ARL15: variants seen among roughly 807,000 people sequenced by gnomAD.
ARL15 encodes the protein ADP-ribosylation factor-like protein 15.
Under a neutral mutation model 25.2 loss-of-function variants are expected in ARL15, and 19 were observed. That is an observed-to-expected ratio of 0.75 (90% CI 0.53 to 1.10). ARL15 has a LOEUF of 1.10. Ranked by LOEUF, ARL15 falls within the 50% of genes least tolerant of loss-of-function variation. ARL15 has a pLI of 0.00. For missense variants in ARL15, 220 were observed against 246.0 expected (o/e 0.89, Z 0.71); for synonymous variants, 94 against 86.8 (o/e 1.08, Z -0.46).
intron 3 of ARL15, among the ~76,000 whole-genome samples, chr5:54,145,735 A>C (rs79437889): frequency 0.029 from 4,410 of 152,260 alleles, 213 homozygotes; most frequent in African/African-American, 0.1. Context: ...TGAATTAAAT[A>C]ACAATAACAA....
intron 1 of ARL15, among the ~76,000 whole-genome samples, chr5:54,182,859 C>T (rs1233265258): frequency 3.3e-5 from 5 of 151,420 alleles, no homozygotes; most frequent in African/African-American, 1.2e-4. Flanking sequence ...TGAAGAGGTC[C>T]TTCACGTCCC....
rs538060978 is a variant in ARL15, at chr5:54,252,034, T to A, written c.48+58398A>T. On this transcript the variant is annotated intron_variant, in intron 1 of 4. Transcript: ENST00000504924. Reference sequence around the variant, plus strand: ...AGACTAATTTAAAATTCTCTGAATTTTTCCTTATTGAACACAAGAAATGAT... The same window carrying A: ...AGACTAATTTAAAATTCTCTGAATTATTCCTTATTGAACACAAGAAATGAT... Among the ~76,000 whole-genome samples the A allele has an allele frequency of 2.6e-5, 4 of 152,344 alleles. No homozygotes were observed. In the South Asian group the frequency reaches 8.3e-4, roughly 32 times the overall value.
At position 53,886,309 on chromosome 5, in the gene ARL15, G is replaced by A; in HGVS notation, c.*252C>T. 3 of 386,478 alleles carry A rather than the reference G, an allele frequency of 7.8e-6. No homozygotes were observed. In the South Asian group the frequency reaches 1.1e-4, roughly 15 times the overall value. The allele number at this position is 386,478 out of a possible 1,614,324, so 23.9% of individuals were successfully genotyped here. On this transcript the variant is annotated 3_prime_UTR_variant, in exon 5 of 5. Coordinates refer to ENST00000504924, the MANE Select transcript of ARL15 (RefSeq NM_019087.3). ...GATGCTTAGAACAACAGAAGGAAGAGACATGCGGGGAAGATAATTAGTGGT... is the reference window on the plus strand; with the variant it reads ...GATGCTTAGAACAACAGAAGGAAGAAACATGCGGGGAAGATAATTAGTGGT...
intron 1 of ARL15, among the ~76,000 whole-genome samples, chr5:54,225,086 T>C (rs183716931): frequency 2.2e-4 from 34 of 152,268 alleles, no homozygotes; most frequent in African/African-American, 7.7e-4. Flanking sequence ...CCTCATAGGG[T>C]TGCTGTAAAG....
At chr5:54,091,470 A>T (rs182123554) in intron 4 of ARL15, among the ~76,000 whole-genome samples, 1 of 152,288 alleles carries the variant, frequency 6.6e-6, no homozygotes, top group East Asian at 1.9e-4. Flanking sequence ...TGTAGTCTGT[A>T]GCAGTCCTAC....
chr5:54,058,984 AT>A (rs954848561), intron 4 of ARL15, among the ~76,000 whole-genome samples: 4 of 152,132 alleles, frequency 2.6e-5, no homozygotes, highest in African/African-American at 9.7e-5. Context: ...TGAAAGGATA[AT>A]TTTAATTGCA....
At chr5:54,086,194 A>G (rs1303131141) in intron 4 of ARL15, among the ~76,000 whole-genome samples, 1 of 152,158 alleles carries the variant, frequency 6.6e-6, no homozygotes, top group Non-Finnish European at 1.5e-5. Flanking sequence ...GATTACAGCC[A>G]TGAGCCACCG....
intron 4 of ARL15, among the ~76,000 whole-genome samples, chr5:53,942,056 A>G (rs1186792469): frequency 6.6e-6 from 1 of 152,204 alleles, no homozygotes; most frequent in African/African-American, 2.4e-5. Context: ...GTAGGAAGCA[A>G]TTACAAGAAT....
At position 54,214,101 on chromosome 5, in the gene ARL15, G is replaced by A. The variant is rs184710793; in HGVS notation, c.49-42173C>T. On this transcript the variant is annotated intron_variant, in intron 1 of 4. Coordinates refer to ENST00000504924, the MANE Select transcript of ARL15 (RefSeq NM_019087.3). ...GAAGGAAAGGAGGAAGAGATGGAAG[G>A]GGGGAAAAAAGGAGAGAAGGAAGGA... is the stretch of plus-strand genomic sequence containing the variant. 2.0e-4 allele frequency among the ~76,000 whole-genome samples: 31 copies of A among 152,096 alleles called. No homozygotes were observed. The East Asian group carries it at 5.4e-3, about 27-fold the overall frequency.
chr5:54,203,006 C>T (rs1245285680), intron 1 of ARL15, among the ~76,000 whole-genome samples: 1 of 152,166 alleles, frequency 6.6e-6, no homozygotes, highest in Non-Finnish European at 1.5e-5. Flanking sequence ...ATTCCCCATT[C>T]TATGCCATGA....
intron 4 of ARL15, among the ~76,000 whole-genome samples, chr5:53,954,045 T>G (rs914263228): frequency 1.1e-4 from 17 of 150,734 alleles, no homozygotes; most frequent in African/African-American, 3.9e-4. Context: ...TGAATATGTA[T>G]CGGTACAAAG....
chr5:54,240,747 G>A (rs908932747), intron 1 of ARL15, among the ~76,000 whole-genome samples: 1 of 149,916 alleles, frequency 6.7e-6, no homozygotes, highest in Admixed American at 6.6e-5. Context: ...TCCCTAATCC[G>A]AAATCCACAA....
chr5:54,000,617 T>G (rs146104312), intron 4 of ARL15, among the ~76,000 whole-genome samples: 1 of 152,196 alleles, frequency 6.6e-6, no homozygotes, highest in South Asian at 2.1e-4. Context: ...GCGGTACATA[T>G]AGTATCACTA....
chr5:53,891,380 T>G (rs573263379), intron 4 of ARL15, among the ~76,000 whole-genome samples: 7 of 152,218 alleles, frequency 4.6e-5, no homozygotes, highest in Non-Finnish European at 8.8e-5. Flanking sequence ...TGACAGTTCC[T>G]TACTGCGTGG....
intron 4 of ARL15, among the ~76,000 whole-genome samples, chr5:53,950,131 A>T (rs2040595152): frequency 6.6e-6 from 1 of 152,202 alleles, no homozygotes; most frequent in Non-Finnish European, 1.5e-5. Flanking sequence ...GTAGTATTCA[A>T]GTGTTTAAAG....
chr5:54,148,198 G>A (rs1294622790), intron 3 of ARL15, among the ~76,000 whole-genome samples: 4 of 152,154 alleles, frequency 2.6e-5, no homozygotes, highest in East Asian at 1.9e-4. Context: ...GTCAAGAAGT[G>A]TGTCCTGTAC....
chr5:53,933,410 G>T (rs767586128), intron 4 of ARL15, among the ~76,000 whole-genome samples: 1 of 152,114 alleles, frequency 6.6e-6, no homozygotes, highest in Non-Finnish European at 1.5e-5. Context: ...ACTCTGGGAG[G>T]TCGAGGTGGG....
chr5:53,924,618 T>C (rs1369316498), intron 4 of ARL15, among the ~76,000 whole-genome samples: 3 of 152,198 alleles, frequency 2.0e-5, no homozygotes, highest in Admixed American at 6.5e-5. Context: ...CTCTTTCTAC[T>C]CAGTGCCAGT....
intron 2 of ARL15, among the ~76,000 whole-genome samples, chr5:54,171,023 T>C (rs1754702071): frequency 6.6e-6 from 1 of 152,190 alleles, no homozygotes; most frequent in Admixed American, 6.5e-5. Flanking sequence ...TACTCTTCTT[T>C]CCTTCTTCAT....
Sources: gnomAD v4.1 joint callset for allele counts (sites outside exome capture counted in the v4.1 genomes callset) on GRCh38, gnomAD v4.1.1 for gene constraint, MANE v1.5 for transcripts, NCBI Gene and HGNC (gene_info 2026-07-23, HGNC 2026-07-21) for gene names.